The following RBFOX1 variants were observed in gnomAD, a reference collection of about 807,000 sequenced individuals.
The protein encoded by RBFOX1 is RNA binding protein fox-1 homolog 1.
In RBFOX1, 8 loss-of-function variants were observed where a neutral mutation model predicts 57.7. The observed-to-expected ratio is 0.14, with a 90% confidence interval of 0.08 to 0.25. RBFOX1 has a LOEUF of 0.25. RBFOX1 is among the 10% of genes least tolerant of loss of function. The pLI is 1.00. For synonymous variants in RBFOX1, 326 were observed against 222.4 expected (o/e 1.47, Z -4.15); for missense variants, 611 against 548.5 (o/e 1.11, Z -1.14).
intron 5 of RBFOX1, among the ~76,000 whole-genome samples, chr16:7,540,682 T>G (rs902270487): frequency 3.3e-5 from 5 of 152,184 alleles, no homozygotes; most frequent in Non-Finnish European, 7.3e-5. Context: ...TAACCGTTAG[T>G]ACTTCTGGTT....
chr16:7,622,978 C>T (rs192661581), intron 10 of RBFOX1, among the ~76,000 whole-genome samples: 6 of 152,290 alleles, frequency 3.9e-5, no homozygotes, highest in Admixed American at 1.3e-4. Context: ...ATCCACCGTC[C>T]ATTCGGGCTT....
chr16:5,936,723 A>G (rs1351319075), intron 4 of RBFOX1, among the ~76,000 whole-genome samples: 1 of 152,236 alleles, frequency 6.6e-6, no homozygotes, highest in Admixed American at 6.5e-5. Flanking sequence ...TGTACTGTGT[A>G]TAAATGGGGA....
chr16:7,646,176 C>T (rs1171555978), intron 11 of RBFOX1, among the ~76,000 whole-genome samples: 1 of 152,084 alleles, frequency 6.6e-6, no homozygotes, highest in East Asian at 1.9e-4. Context: ...ACATATTTTG[C>T]CATTTGGAAA....
intron 4 of RBFOX1, among the ~76,000 whole-genome samples, chr16:7,507,715 C>T (rs2073832783): frequency 6.6e-6 from 1 of 151,860 alleles, no homozygotes; most frequent in Non-Finnish European, 1.5e-5. Flanking sequence ...AGGCGCCCAC[C>T]ACCACGCCTG....
At chr16:6,479,350 C>T (rs781403734) in intron 2 of RBFOX1, among the ~76,000 whole-genome samples, 10 of 152,194 alleles carry the variant, frequency 6.6e-5, no homozygotes, top group Admixed American at 2.0e-4. Context: ...GATCTCAGGA[C>T]GCTGAGGCAG....
At position 5,618,814 on chromosome 16, in the gene RBFOX1, A is replaced by G. The variant is rs140611490; in HGVS notation, c.318+19853A>G. ...GTTTGCTTTTACTTAAAAGCGTTAA[A>G]AGGCAACCTTCAATGTGGATTTTGC... On this transcript the variant is annotated intron_variant, in intron 3 of 19. Transcript: ENST00000641259. 5.9e-5 allele frequency among the ~76,000 whole-genome samples: 9 copies of G among 152,308 alleles called. No homozygotes were observed. The East Asian group carries it at 1.5e-3, about 26-fold the overall frequency.
At chr16:6,555,352 G>A (rs2097078986) in intron 2 of RBFOX1, among the ~76,000 whole-genome samples, 1 of 152,248 alleles carries the variant, frequency 6.6e-6, no homozygotes, top group East Asian at 1.9e-4. Flanking sequence ...AAAGCTTGAT[G>A]AAATATGGGT....
At chr16:5,582,707 C>A (rs1293442629) in intron 2 of RBFOX1, among the ~76,000 whole-genome samples, 16 of 152,104 alleles carry the variant, frequency 1.1e-4, no homozygotes, top group Admixed American at 1.0e-3. Context: ...TGAGCCATCA[C>A]ACCCACGCTC....
intron 3 of RBFOX1, among the ~76,000 whole-genome samples, chr16:7,043,038 C>G (rs1403765080): frequency 6.7e-6 from 1 of 148,168 alleles, no homozygotes; most frequent in Non-Finnish European, 1.5e-5. Flanking sequence ...CTTCCATCCT[C>G]CACCCCCCAC....
intron 4 of RBFOX1, among the ~76,000 whole-genome samples, chr16:7,250,974 T>G (rs1485165737): frequency 6.6e-6 from 1 of 151,744 alleles, no homozygotes; most frequent in African/African-American, 2.4e-5. Context: ...GAAGTCAGGC[T>G]AATTAATACG....
chr16:7,084,153 G>C (rs772507241), intron 4 of RBFOX1, among the ~76,000 whole-genome samples: 30 of 152,128 alleles, frequency 2.0e-4, no homozygotes, highest in Non-Finnish European at 3.8e-4. Context: ...GAAGGACTGT[G>C]GTAAACAGGA....
intron 2 of RBFOX1, among the ~76,000 whole-genome samples, chr16:5,470,954 C>A (rs540837620): frequency 1.3e-5 from 2 of 152,108 alleles, no homozygotes; most frequent in African/African-American, 4.8e-5. Context: ...TGGGTTCAAG[C>A]GATTCTACTG....
intron 5 of RBFOX1, among the ~76,000 whole-genome samples, chr16:7,543,350 A>C (rs1447391634): frequency 6.6e-6 from 1 of 152,218 alleles, no homozygotes; most frequent in Non-Finnish European, 1.5e-5. Flanking sequence ...GATATTTGAG[A>C]TCTGATAGAA....
intron 3 of RBFOX1, among the ~76,000 whole-genome samples, chr16:6,727,161 C>T (rs528340084): frequency 2.0e-5 from 3 of 150,948 alleles, no homozygotes; most frequent in Non-Finnish European, 3.0e-5. Flanking sequence ...CTTCAAAAGT[C>T]GCAATTCCAT....
chr16:7,282,419 A>G (rs2095563545), intron 4 of RBFOX1, among the ~76,000 whole-genome samples: 1 of 152,186 alleles, frequency 6.6e-6, no homozygotes, highest in East Asian at 1.9e-4. Context: ...TAAGAATCAA[A>G]AGATATTTCA....
At chr16:6,914,802 C>A (rs151084652) in intron 3 of RBFOX1, among the ~76,000 whole-genome samples, 2 of 152,142 alleles carry the variant, frequency 1.3e-5, no homozygotes, top group Admixed American at 6.5e-5. Flanking sequence ...ACAACAAGAT[C>A]GCTGAAGCCC....
chr16:5,297,298 A>G (rs1186709940), intron 1 of RBFOX1, among the ~76,000 whole-genome samples: 4 of 151,874 alleles, frequency 2.6e-5, no homozygotes, highest in African/African-American at 4.8e-5. Flanking sequence ...TGGTAGTTCT[A>G]CTCTTAATTT....
At chr16:7,300,586 C>T (rs2096008126) in intron 4 of RBFOX1, among the ~76,000 whole-genome samples, 1 of 150,292 alleles carries the variant, frequency 6.7e-6, no homozygotes, top group African/African-American at 2.5e-5. Context: ...GTCTTGCTTG[C>T]TCTGAGGTAT....
At chr16:6,192,120 A>G (rs994491470) in intron 1 of RBFOX1, among the ~76,000 whole-genome samples, 2 of 152,170 alleles carry the variant, frequency 1.3e-5, no homozygotes, top group African/African-American at 4.8e-5. Context: ...TCTCCCCTGT[A>G]TCAATAACTA....
Sources: gnomAD v4.1 joint callset for allele counts (sites outside exome capture counted in the v4.1 genomes callset) on GRCh38, gnomAD v4.1.1 for gene constraint, MANE v1.5 for transcripts, NCBI Gene and HGNC (gene_info 2026-07-23, HGNC 2026-07-21) for gene names.